KCNH7: variants seen among roughly 807,000 people sequenced by gnomAD.
The protein encoded by KCNH7 is voltage-gated inwardly rectifying potassium channel KCNH7.
In KCNH7, 49 loss-of-function variants were observed where a neutral mutation model predicts 120.8. That is an observed-to-expected ratio of 0.41 (90% CI 0.32 to 0.51). The LOEUF (loss-of-function observed/expected upper bound fraction) is 0.51. Among genes scored for constraint, KCNH7 ranks in the 20% least tolerant of loss-of-function variants. The pLI is 0.38. For missense variants in KCNH7, 1,097 were observed against 1,446.6 expected, an observed-to-expected ratio of 0.76 and a Z score of 3.92; for synonymous variants, 547 against 516.1, an observed-to-expected ratio of 1.06 and a Z score of -0.81.
intron 6 of KCNH7, among the ~76,000 whole-genome samples, chr2:162,455,557 C>T (rs1045571439): frequency 5.3e-5 from 8 of 152,102 alleles, no homozygotes; most frequent in Non-Finnish European, 1.0e-4. Context: ...GCTGTAAATC[C>T]GTCTGGTCCT....
chr2:162,584,194 A>C (rs189238429), intron 2 of KCNH7, among the ~76,000 whole-genome samples: 6 of 152,248 alleles, frequency 3.9e-5, no homozygotes, highest in Admixed American at 1.3e-4. Flanking sequence ...ATAGGCCTCT[A>C]ATACCATATG....
At chr2:162,461,487 C>A (rs1689144409) in intron 6 of KCNH7, among the ~76,000 whole-genome samples, 2 of 152,038 alleles carry the variant, frequency 1.3e-5, no homozygotes, top group Admixed American at 1.3e-4. Flanking sequence ...GATATTTAAC[C>A]AGAATAGCTC....
At chr2:162,624,293 A>C (rs1188899179) in intron 2 of KCNH7, among the ~76,000 whole-genome samples, 1 of 152,090 alleles carries the variant, frequency 6.6e-6, no homozygotes, top group African/African-American at 2.4e-5. Context: ...ATATCATCAC[A>C]AGAGGAAGGG....
At chr2:162,481,941 T>C (rs1689940868) in intron 6 of KCNH7, among the ~76,000 whole-genome samples, 1 of 151,634 alleles carries the variant, frequency 6.6e-6, no homozygotes, top group Admixed American at 6.6e-5. Flanking sequence ...GACACATATA[T>C]ACACAGGTTA....
chr2:162,490,416 C>T (rs1324533285), intron 6 of KCNH7, among the ~76,000 whole-genome samples: 2 of 152,240 alleles, frequency 1.3e-5, no homozygotes, highest in African/African-American at 2.4e-5. Context: ...TTCTACTCCA[C>T]TCACTCTTCA....
chr2:162,372,850 G>A (rs1195230713), intron 15 of KCNH7, among the ~76,000 whole-genome samples: 1 of 151,958 alleles, frequency 6.6e-6, no homozygotes. Context: ...AATTCAAAAG[G>A]ACCCCTTTGA....
At chr2:162,431,776 T>G (rs560084601) in intron 8 of KCNH7, among the ~76,000 whole-genome samples, 28 of 151,812 alleles carry the variant, frequency 1.8e-4, no homozygotes, top group African/African-American at 6.3e-4. Flanking sequence ...CTTAATAAAT[T>G]AATAGAAATA....
chr2:162,608,293 G>A (rs1047871434), intron 2 of KCNH7, among the ~76,000 whole-genome samples: 1 of 152,134 alleles, frequency 6.6e-6, no homozygotes, highest in African/African-American at 2.4e-5. Flanking sequence ...ACGTAATTCA[G>A]TACTTTTAAC....
intron 2 of KCNH7, among the ~76,000 whole-genome samples, chr2:162,790,611 G>T (rs1036762936): frequency 6.6e-6 from 1 of 152,002 alleles, no homozygotes; most frequent in Non-Finnish European, 1.5e-5. Context: ...GAATGGAACA[G>T]CACATTAAGA....
chr2:162,443,995 G>A (rs1297560131), intron 7 of KCNH7, among the ~76,000 whole-genome samples: 1 of 152,018 alleles, frequency 6.6e-6, no homozygotes, highest in Non-Finnish European at 1.5e-5. Context: ...CATGTGGATG[G>A]TTGCTTCCTA....
chr2:162,636,702 A>C (rs534389202), intron 2 of KCNH7, among the ~76,000 whole-genome samples: 1 of 152,240 alleles, frequency 6.6e-6, no homozygotes, highest in South Asian at 2.1e-4. Context: ...AAATGGAAGC[A>C]ATATATTTCA....
intron 2 of KCNH7, among the ~76,000 whole-genome samples, chr2:162,660,164 A>G (rs969183066): frequency 6.6e-6 from 1 of 152,006 alleles, no homozygotes; most frequent in African/African-American, 2.4e-5. Context: ...TCTTAGGCTT[A>G]CTTTGGATTT....
At chr2:162,500,312 CATA>C (rs903784338) in intron 6 of KCNH7, among the ~76,000 whole-genome samples, 2 of 146,418 alleles carry the variant, frequency 1.4e-5, no homozygotes, top group East Asian at 2.0e-4. Context: ...TATATACACA[CATA>C]ATATGTATAT....
At chr2:162,796,280 C>T (rs1684143332) in intron 2 of KCNH7, 1 of 151,928 alleles carries the variant, frequency 6.6e-6, no homozygotes, top group African/African-American at 2.4e-5. Context: ...TCAAAGGTCT[C>T]TTGACAAGAT....
intron 2 of KCNH7, among the ~76,000 whole-genome samples, chr2:162,730,787 G>A (rs1397448307): frequency 6.6e-6 from 1 of 151,994 alleles, no homozygotes. Flanking sequence ...ATATGTTCCA[G>A]TGTCATTCAT....
At chr2:162,552,071 C>A (rs1227767625) in intron 2 of KCNH7, among the ~76,000 whole-genome samples, 2 of 152,090 alleles carry the variant, frequency 1.3e-5, no homozygotes, top group Non-Finnish European at 2.9e-5. Context: ...GTTAGTTGAC[C>A]ACTCTGGCCC....
intron 4 of KCNH7, among the ~76,000 whole-genome samples, chr2:162,516,859 G>A (rs534687905): frequency 6.6e-6 from 1 of 151,850 alleles, no homozygotes; most frequent in South Asian, 2.1e-4. Context: ...ACACTGACTA[G>A]CTCTGTAACC....
intron 6 of KCNH7, among the ~76,000 whole-genome samples, chr2:162,476,964 G>A (rs1689766457): frequency 2.0e-5 from 3 of 152,166 alleles, no homozygotes; most frequent in Admixed American, 2.0e-4. Context: ...GTAGCCTTGG[G>A]CATCAGATTT....
chr2:162,746,525 C>T (rs1047623369), intron 2 of KCNH7, among the ~76,000 whole-genome samples: 15 of 152,088 alleles, frequency 9.9e-5, no homozygotes, highest in Admixed American at 9.8e-4. Context: ...TCATCTCACA[C>T]TGCCAGACTT....
Sources: gnomAD v4.1 joint callset for allele counts (sites outside exome capture counted in the v4.1 genomes callset) on GRCh38, gnomAD v4.1.1 for gene constraint, MANE v1.5 for transcripts, NCBI Gene and HGNC (gene_info 2026-07-23, HGNC 2026-07-21) for gene names.